The following PPFIA3 variants were observed in gnomAD, a reference collection of about 807,000 sequenced individuals.
PPFIA3 encodes the protein PPFI scaffold protein A3.
PPFIA3 carries 26 observed loss-of-function variants against 145.8 expected under a neutral mutation model. The ratio of observed to expected loss-of-function variants is 0.18; its 90% CI spans 0.13 to 0.25. The LOEUF is 0.25. Among genes scored for constraint, PPFIA3 ranks in the 10% least tolerant of loss-of-function variants. PPFIA3 has a pLI of 1.00. For synonymous variants in PPFIA3, 645 were observed against 661.4 expected (o/e 0.98, Z 0.38); for missense variants, 1,008 against 1,587.8 (o/e 0.63, Z 6.21).
chr19:49,134,305 C>A, intron 11 of PPFIA3, 140 bp downstream of exon 11: 1 of 1,202,500 alleles, frequency 8.3e-7, no homozygotes, highest in Non-Finnish European at 1.1e-6. Flanking sequence ...GCAGCCTTCT[C>A]TGCTCTATTG....
At chr19:49,121,953 G>A (rs2040941327) in intron 1 of PPFIA3, among the ~76,000 whole-genome samples, 1 of 151,664 alleles carries the variant, frequency 6.6e-6, no homozygotes, top group Non-Finnish European at 1.5e-5. Context: ...ATTTCTTGTC[G>A]CACATGTGCT....
rs909366604 is a variant in PPFIA3 at position 49,134,674 on chromosome 19, G to A, written c.1413G>A (p.Lys471=). 5 of 1,614,034 alleles carry A rather than the reference G, an allele frequency of 3.1e-6. No individual in the cohort carries two copies. Among genetic ancestry groups the A allele is most frequent in the South Asian group, 2.2e-5 (2 of 91,080 alleles). Residue 471 remains lysine, a synonymous_variant, in exon 12 of 30, where the codon AAG becomes AAA. Transcript: ENST00000334186. ...SLSEEIANMK[K]LQDELLLNKE... is the part of the protein sequence containing the mutation. ...GCGAGGAGATAGCCAACATGAAGAA[G>A]CTTCAGGATGAGTTGCTGCTAAACA...
At chr19:49,132,376 A>G (rs1199974575) in intron 7 of PPFIA3, among the ~76,000 whole-genome samples, 4 of 134,270 alleles carry the variant, frequency 3.0e-5, no homozygotes, top group African/African-American at 8.5e-5. Context: ...GTGACGGAGC[A>G]AGACTCTCTC....
chr19:49,130,528 T>C lies in PPFIA3; in HGVS notation c.808T>C (p.Leu270=), dbSNP rs780338052. ...TCAGATGAGCCAGCTGGAGGAGGAGTTGGGCACCGCGCACCGTGAGCTGGG... is the reference window on the plus strand; with the variant it reads ...TCAGATGAGCCAGCTGGAGGAGGAGCTGGGCACCGCGCACCGTGAGCTGGG... ...CRQMSQLEEE[L]GTAHRELGKA... is the part of the protein sequence containing the mutation. Residue 270 remains leucine (L), a synonymous_variant, in exon 7 of 30, where the codon TTG becomes CTG. Coordinates refer to ENST00000334186, the MANE Select transcript of PPFIA3 (RefSeq NM_003660.4). This position sits in a 1 kb window ranked among gnomAD's most constrained non-coding sequence, Gnocchi z 4.5. 50 of 1,586,730 alleles carry C rather than the reference T, an allele frequency of 3.2e-5. No homozygotes were observed. The highest frequency in any genetic ancestry group is 6.8e-5 in the East Asian group (3 of 43,818).
rs551146581 is a variant in PPFIA3, at chr19:49,129,155, A to G, written c.507+143A>G. ...TGACTGTGATTGATTGGGACAGGAT[A>G]CATAGACTGGGACCTGACTGGTTGA... On this transcript the variant is annotated intron_variant, in intron 4 of 29. Transcript: ENST00000334186. 590 of 1,052,144 alleles carry G rather than the reference A, an allele frequency of 5.6e-4. 3 individuals are homozygous for G. Among genetic ancestry groups the G allele is most frequent in the Middle Eastern group, 5.0e-3 (17 of 3,384 alleles). 65.2% of individuals were successfully genotyped at this position (1,052,144 alleles called of 1,614,324 possible). A position where few individuals can be genotyped will look rare whatever the true frequency, so the allele number is the denominator to read the frequency against.
In PPFIA3 at chr19:49,149,907, G is replaced by A. The variant is rs1026785714; in HGVS notation, c.3527-173G>A. ...ATCCCACTCCCCCTTCCCAGGGCGGGAGTGAACTCGCCCAATGCGAGTTTG... is the reference window on the plus strand; with the variant it reads ...ATCCCACTCCCCCTTCCCAGGGCGGAAGTGAACTCGCCCAATGCGAGTTTG... On this transcript the variant is annotated intron_variant, in intron 28 of 29. Coordinates refer to ENST00000334186, the MANE Select transcript of PPFIA3 (RefSeq NM_003660.4). The surrounding 1 kb of genome is among the most constrained non-coding windows in gnomAD (Gnocchi z 5.7). The A allele has an allele frequency of 9.0e-7, 1 of 1,116,090 alleles. No homozygotes were observed. Among genetic ancestry groups the A allele is most frequent in the Non-Finnish European group, 1.3e-6 (1 of 792,960 alleles). The allele number at this position is 1,116,090 out of a possible 1,614,324, so 69.1% of individuals were successfully genotyped here.
chr19:49,141,583 C>CGT lies in PPFIA3; in HGVS notation c.2462+73_2462+74dup, dbSNP rs112961847. ...GAGAGTGTGTGAGGGTGTGTGTGTG[C>CGT]GTGTATGTGTGTGTATGAGTGTGTG... On this transcript the variant is annotated intron_variant, in intron 19 of 29. Transcript: ENST00000334186. 6.8e-4 allele frequency: 825 copies of CGT among 1,219,102 alleles called. 8 individuals are homozygous for CGT. In the South Asian group the frequency reaches 9.0e-3, roughly 13 times the overall value. The allele number at this position is 1,219,102 out of a possible 1,614,324, so 75.5% of individuals were successfully genotyped here.
intron 7 of PPFIA3, 83 bp from the exon 8 acceptor site, chr19:49,132,918 C>T: frequency 3.9e-6 from 6 of 1,535,874 alleles, no homozygotes; most frequent in Non-Finnish European, 5.3e-6. Flanking sequence ...TGTCAGGGCA[C>T]TTTGTTTCCC....
Position 49,128,714 on chromosome 19 carries a change from C to T in PPFIA3, c.343-134C>T, listed in dbSNP as rs2041034088. ...CCTTGACCCCGACCTCCTCTCTTTT[C>T]CTGACCTGTCTCGGTGCTCCTTTAT... On this transcript the variant is annotated intron_variant, in intron 3 of 29. Transcript: ENST00000334186. The surrounding 1 kb of genome is among the most constrained non-coding windows in gnomAD (Gnocchi z 4.1). 1.0e-6 allele frequency: 1 copy of T among 959,108 alleles called. No individual in the cohort carries two copies. The highest frequency in any genetic ancestry group is 1.7e-5 in the South Asian group (1 of 59,832). 59.4% of individuals were successfully genotyped at this position (959,108 alleles called of 1,614,324 possible).
In PPFIA3 at chr19:49,133,437, G is replaced by A. The variant is rs2041099344; in HGVS notation, c.1161+66G>A. On this transcript the variant is annotated intron_variant, in intron 9 of 29. Transcript: ENST00000334186. The surrounding 1 kb of genome is among the most constrained non-coding windows in gnomAD (Gnocchi z 7.2). The stretch of plus-strand genomic sequence containing the variant: ...GGTGGGGCCTAGAGGAGGCGGGGCC[G>A]TGAATCTGGAGGGGTAGGAGCGAGG... 2.7e-6 allele frequency: 4 copies of A among 1,487,240 alleles called. No individual in the cohort carries two copies. In the South Asian group the frequency reaches 5.2e-5, roughly 19 times the overall value. 92.1% of individuals were successfully genotyped at this position (1,487,240 alleles called of 1,614,324 possible). A position where few individuals can be genotyped will look rare whatever the true frequency, so the allele number is the denominator to read the frequency against.
chr19:49,134,800 A>G, intron 12 of PPFIA3, 36 bp from the exon 13 acceptor site: 1 of 1,607,040 alleles, frequency 6.2e-7, no homozygotes, highest in Admixed American at 1.7e-5. Flanking sequence ...TGGGCGGAGC[A>G]GATTCTAACC....
rs369121503 is a variant in PPFIA3 at position 49,133,394 on chromosome 19, G to A, written c.1161+23G>A. The A allele has an allele frequency of 1.3e-6, 2 of 1,576,164 alleles. No homozygotes were observed. Among genetic ancestry groups the A allele is most frequent in the African/African-American group, 1.4e-5 (1 of 73,644 alleles). ...AAGGTGCGGGGAGGACTCGGGTCGG[G>A]GCCTTGCGTGGGGAAGGGGTGGGGC... is the stretch of plus-strand genomic sequence containing the variant. On this transcript the variant is annotated intron_variant, in intron 9 of 29. Transcript: ENST00000334186. The surrounding 1 kb of genome is among the most constrained non-coding windows in gnomAD (Gnocchi z 7.2).
Position 49,149,552 on chromosome 19 carries a change from C to G in PPFIA3, c.3360C>G (p.Ser1120Arg), listed in dbSNP as rs755730025. The G allele has an allele frequency of 1.9e-6, 3 of 1,614,156 alleles. No homozygotes were observed. Among genetic ancestry groups the G allele is most frequent in the Admixed American group, 1.7e-5 (1 of 60,020 alleles). The change falls in exon 28 of 30, where the codon AGC (serine) becomes AGG (arginine). Residue 1120 changes from serine (S) to arginine (R), a missense_variant. This residue lies in a region of PPFIA3 where 125 missense variants were observed against 159.3 expected (regional missense o/e 0.78). Coordinates refer to ENST00000334186, the MANE Select transcript of PPFIA3 (RefSeq NM_003660.4). This position sits in a 1 kb window ranked among gnomAD's most constrained non-coding sequence, Gnocchi z 5.7. Reference protein sequence around the residue: ...LGTDRRLDEDSAKSFSRSPSW... With the variant: ...LGTDRRLDEDRAKSFSRSPSW... ...TGTCCGGCTCCTATACCTAGGACAG[C>G]GCCAAGTCTTTCAGCCGCTCCCCAT...
intron 5 of PPFIA3, among the ~76,000 whole-genome samples, chr19:49,129,691 G>A (rs2041045840): frequency 6.6e-6 from 1 of 152,214 alleles, no homozygotes; most frequent in African/African-American, 2.4e-5. Context: ...AGAACCAGGG[G>A]CTGGGGCTCA....
In PPFIA3 at chr19:49,149,534, C is replaced by A. The variant is rs755447352; in HGVS notation, c.3355-13C>A. ...CAGGAGTCCCTCACCGGCTGTCCGG[C>A]TCCTATACCTAGGACAGCGCCAAGT... is the stretch of plus-strand genomic sequence containing the variant. On this transcript the variant is annotated splice_polypyrimidine_tract_variant and intron_variant, in intron 27 of 29. Transcript: ENST00000334186. The surrounding 1 kb of genome is among the most constrained non-coding windows in gnomAD (Gnocchi z 5.7). 3 of 1,613,866 alleles carry A rather than the reference C, an allele frequency of 1.9e-6. No individual in the cohort carries two copies. Among genetic ancestry groups the A allele is most frequent in the Non-Finnish European group, 2.5e-6 (3 of 1,179,960 alleles).
In PPFIA3 at chr19:49,133,784, T is replaced by C; in HGVS notation, c.1162-12T>C. 6.2e-7 allele frequency: 1 copy of C among 1,612,730 alleles called. No homozygotes were observed. The highest frequency in any genetic ancestry group is 8.5e-7 in the Non-Finnish European group (1 of 1,179,706). The stretch of plus-strand genomic sequence containing the variant: ...GAAGGGTAAGTCACACGCCATGGGT[T>C]CCATCTCCTAGGCCGAGGAACGTCA... On this transcript the variant is annotated splice_polypyrimidine_tract_variant and intron_variant, in intron 9 of 29. Coordinates refer to ENST00000334186, the MANE Select transcript of PPFIA3 (RefSeq NM_003660.4). The surrounding 1 kb of genome is among the most constrained non-coding windows in gnomAD (Gnocchi z 7.2).
chr19:49,135,363 CTTTA>C (rs1433276691), intron 13 of PPFIA3, among the ~76,000 whole-genome samples: 1 of 151,218 alleles, frequency 6.6e-6, no homozygotes, highest in African/African-American at 2.4e-5. Context: ...TTTACCCTGA[CTTTA>C]TTTATTTATT....
intron 1 of PPFIA3, among the ~76,000 whole-genome samples, chr19:49,126,588 C>T (rs1172092386): frequency 2.8e-5 from 4 of 144,782 alleles, no homozygotes; most frequent in Non-Finnish European, 6.1e-5. Flanking sequence ...TTTCTTTTCC[C>T]GAATGGAGTA....
Position 49,130,323 on chromosome 19 carries a change from CCT to C in PPFIA3, c.658-52_658-51del. On this transcript the variant is annotated intron_variant, in intron 6 of 29. Transcript: ENST00000334186. This position sits in a 1 kb window ranked among gnomAD's most constrained non-coding sequence, Gnocchi z 4.5. ...GCTGATTGACTTTCTCCTTGGATTT[CCT>C]CTGTGTCTCCGGAGACACTCTGGGA... The C allele has an allele frequency of 6.8e-7, 1 of 1,467,132 alleles. No homozygotes were observed. Among genetic ancestry groups the C allele is most frequent in the South Asian group, 1.3e-5 (1 of 77,310 alleles). The allele number at this position is 1,467,132 out of a possible 1,614,324, so 90.9% of individuals were successfully genotyped here.
Sources: gnomAD v4.1 joint callset for allele counts (sites outside exome capture counted in the v4.1 genomes callset) on GRCh38, gnomAD v4.1.1 for gene constraint, gnomAD v4.1.1 regional missense constraint, Gnocchi (gnomAD v3.1) non-coding constraint, MANE v1.5 for transcripts, NCBI Gene and HGNC (gene_info 2026-07-23, HGNC 2026-07-21) for gene names.